Variants in LIN28B observed in about 807,000 individuals in gnomAD.
LIN28B encodes lin-28 RNA binding posttranscriptional regulator B.
In LIN28B, 5 loss-of-function variants were observed where a neutral mutation model predicts 21.9. The observed-to-expected ratio is 0.23, with a 90% CI of 0.12 to 0.48. The LOEUF (loss-of-function observed/expected upper bound fraction) is 0.48. Ranked by LOEUF, LIN28B falls within the 20% of genes least tolerant of loss-of-function variation. LIN28B has a pLI of 0.98. For missense variants in LIN28B, 245 were observed against 310.5 expected (o/e 0.79, Z 1.58); for synonymous variants, 109 against 111.3 (o/e 0.98, Z 0.13).
At position 104,982,276 on chromosome 6, in the gene LIN28B, T is replaced by G. The variant is rs1379933561; in HGVS notation, c.198+23990T>G. On this transcript the variant is annotated intron_variant, in intron 2 of 3. Transcript: ENST00000345080. Reference sequence around the variant, plus strand: ...TTGCGGTGATCTGAGATTGCGCCATTGCACTCCAGCTTGGGCGATACAGCA... The same window carrying G: ...TTGCGGTGATCTGAGATTGCGCCATGGCACTCCAGCTTGGGCGATACAGCA... 2.7e-5 allele frequency among the ~76,000 whole-genome samples: 4 copies of G among 150,370 alleles called. No individual in the cohort carries two copies. In the East Asian group the frequency reaches 7.8e-4, roughly 29 times the overall value.
At chr6:105,037,593 A>C (rs12526136) in intron 3 of LIN28B, among the ~76,000 whole-genome samples, 2 of 148,712 alleles carry the variant, frequency 1.3e-5, no homozygotes, top group African/African-American at 5.0e-5. Context: ...GCTTACTGCA[A>C]CCTCCACCTC....
At chr6:104,947,542 TTA>T (rs1195651663) in intron 2 of LIN28B, among the ~76,000 whole-genome samples, 1 of 152,178 alleles carries the variant, frequency 6.6e-6, no homozygotes, top group Non-Finnish European at 1.5e-5. Context: ...AAGAATATTG[TTA>T]TATATTTTAG....
At chr6:105,077,224 C>CA (rs1356403879) in intron 3 of LIN28B, among the ~76,000 whole-genome samples, 1 of 151,808 alleles carries the variant, frequency 6.6e-6, no homozygotes, top group Non-Finnish European at 1.5e-5. Flanking sequence ...GATTCCATCT[C>CA]AAAAAATATA....
chr6:105,029,478 T>C (rs1701382258), intron 3 of LIN28B, among the ~76,000 whole-genome samples: 1 of 152,020 alleles, frequency 6.6e-6, no homozygotes, highest in African/African-American at 2.4e-5. Context: ...ATGCAGGTGG[T>C]AGATAGATAT....
chr6:104,992,264 T>C (rs1276769067), intron 2 of LIN28B, among the ~76,000 whole-genome samples: 2 of 152,092 alleles, frequency 1.3e-5, no homozygotes, highest in Admixed American at 6.5e-5. Context: ...TTTTCCATGT[T>C]GGTCAGGCTG....
At chr6:105,008,775 T>G (rs954328538) in intron 2 of LIN28B, among the ~76,000 whole-genome samples, 1 of 152,198 alleles carries the variant, frequency 6.6e-6, no homozygotes, top group African/African-American at 2.4e-5. Context: ...ATGTTGCTAA[T>G]TTAATGGAAT....
chr6:104,952,999 C>CA (rs1778237583), upstream of LIN28B, among the ~76,000 whole-genome samples: 1 of 152,224 alleles, frequency 6.6e-6, no homozygotes, highest in South Asian at 2.1e-4. Flanking sequence ...CCCAAGCACC[C>CA]AGTCGGGCGC....
At chr6:105,060,099 C>T (rs1346468397) in intron 3 of LIN28B, among the ~76,000 whole-genome samples, 1 of 152,154 alleles carries the variant, frequency 6.6e-6, no homozygotes, top group Admixed American at 6.5e-5. Context: ...GACAGGGCTT[C>T]TCCATGTTGG....
chr6:105,051,722 A>G (rs760073394), intron 3 of LIN28B, among the ~76,000 whole-genome samples: 2 of 50,376 alleles, frequency 4.0e-5, no homozygotes, highest in Non-Finnish European at 5.3e-5. Flanking sequence ...CTTTCCCTCT[A>G]TCTCAGTTTC....
intron 2 of LIN28B, among the ~76,000 whole-genome samples, chr6:104,970,413 T>C (rs1292996070): frequency 6.6e-6 from 1 of 152,210 alleles, no homozygotes; most frequent in Non-Finnish European, 1.5e-5. Flanking sequence ...CCCTTTTAGT[T>C]AGTCACAGAT....
chr6:104,951,983 G>C (rs1778226075), intron 3 of LIN28B, among the ~76,000 whole-genome samples: 1 of 152,064 alleles, frequency 6.6e-6, no homozygotes, highest in Admixed American at 6.6e-5. Flanking sequence ...CTTTTAACTT[G>C]TCTCATCTTT....
intron 3 of LIN28B, among the ~76,000 whole-genome samples, chr6:105,030,547 T>G (rs1582906412): frequency 6.6e-6 from 1 of 151,932 alleles, no homozygotes; most frequent in Non-Finnish European, 1.5e-5. Context: ...GATAATGTAT[T>G]GTATTTCAAA....
intron 2 of LIN28B, among the ~76,000 whole-genome samples, chr6:104,942,509 C>T (rs1024586234): frequency 1.3e-5 from 2 of 151,260 alleles, no homozygotes; most frequent in Non-Finnish European, 1.5e-5. Context: ...AATAAATTTG[C>T]TATGAAATTT....
chr6:105,017,879 C>T (rs1310564789), intron 2 of LIN28B, among the ~76,000 whole-genome samples: 1 of 151,974 alleles, frequency 6.6e-6, no homozygotes, highest in South Asian at 2.1e-4. Flanking sequence ...ACAGGTACCC[C>T]CTAAATCTCA....
intron 2 of LIN28B, among the ~76,000 whole-genome samples, chr6:104,967,318 G>T (rs1769881897): frequency 7.3e-6 from 1 of 136,490 alleles, no homozygotes; most frequent in African/African-American, 2.5e-5. Flanking sequence ...GGTGGCTCAT[G>T]CCTGTAATCC....
At position 105,025,032 on chromosome 6, in the gene LIN28B, C is replaced by T. The variant is rs9500016; in HGVS notation, c.199-1266C>T. On this transcript the variant is annotated intron_variant, in intron 2 of 3. Transcript: ENST00000345080. ...GAGTCTCTCACAGAGAAACAACATA[C>T]AGTGTTTTACAAACTTACTTGACCA... Among the ~76,000 whole-genome samples, 804 of 152,242 alleles carry T rather than the reference C, an allele frequency of 5.3e-3. 3 individuals carry two copies. The highest frequency in any genetic ancestry group is 0.019 in the African/African-American group (776 of 41,562).
At chr6:105,000,986 T>A (rs1440665210) in intron 2 of LIN28B, among the ~76,000 whole-genome samples, 1 of 151,770 alleles carries the variant, frequency 6.6e-6, no homozygotes, top group African/African-American at 2.4e-5. Context: ...TGAAAACATA[T>A]ATATATTGAC....
intron 2 of LIN28B, among the ~76,000 whole-genome samples, chr6:104,970,526 G>A (rs1376031010): frequency 6.6e-6 from 1 of 152,010 alleles, no homozygotes; most frequent in Non-Finnish European, 1.5e-5. Context: ...TTACATCCAT[G>A]CTGTTGTTTT....
intron 2 of LIN28B, among the ~76,000 whole-genome samples, chr6:104,977,933 A>G (rs1019566077): frequency 1.3e-5 from 2 of 152,182 alleles, no homozygotes; most frequent in Non-Finnish European, 1.5e-5. Context: ...AGCATAATAC[A>G]TTAGGAATTT....
Sources: allele counts gnomAD v4.1 joint callset (sites outside exome capture counted in the v4.1 genomes callset), GRCh38; gene constraint gnomAD v4.1.1; transcripts MANE v1.5; gene names NCBI Gene and HGNC (gene_info 2026-07-23, HGNC 2026-07-21).